The following MIR2052HG variants were observed in gnomAD, a reference collection of about 807,000 sequenced individuals.
MIR2052HG encodes MIR2052 host gene.
chr8:74,723,851 C>T (rs570093877), intron 4 of MIR2052HG, among the ~76,000 whole-genome samples: 1 of 152,218 alleles, frequency 6.6e-6, no homozygotes, highest in East Asian at 1.9e-4. Context: ...GGAAGACTAT[C>T]GTCTTGAATT....
chr8:74,631,228 C>G (rs1422617062), intron 2 of MIR2052HG, among the ~76,000 whole-genome samples: 1 of 152,142 alleles, frequency 6.6e-6, no homozygotes, highest in African/African-American at 2.4e-5. Flanking sequence ...CCTGTGACAG[C>G]CAGACTCCTC....
intron 2 of MIR2052HG, among the ~76,000 whole-genome samples, chr8:74,698,301 C>T (rs575531086): frequency 3.3e-5 from 5 of 152,228 alleles, no homozygotes; most frequent in African/African-American, 1.2e-4. Flanking sequence ...ATTGGCTAGC[C>T]GCATGTAGGA....
Position 74,661,853 on chromosome 8 carries a change from C to G in MIR2052HG, n.217-40526C>G, listed in dbSNP as rs536731093. ...AAAGCATCCCTATGTTGTATGGGAACTACTATCATTCAAAAAGAGATACAA... is the reference window on the plus strand; with the variant it reads ...AAAGCATCCCTATGTTGTATGGGAAGTACTATCATTCAAAAAGAGATACAA... On this transcript the variant is annotated intron_variant and non_coding_transcript_variant, in intron 2 of 6. Coordinates refer to ENST00000523442, the Ensembl canonical transcript of MIR2052HG. Among the ~76,000 whole-genome samples the G allele has an allele frequency of 1.1e-4, 17 of 152,256 alleles. No individual in the cohort carries two copies. The South Asian group carries it at 2.9e-3, about 26-fold the overall frequency.
chr8:74,624,537 A>G (rs1425773), intron 2 of MIR2052HG, among the ~76,000 whole-genome samples: 67,705 of 152,038 alleles, frequency 0.45, 16,305 homozygotes, highest in Middle Eastern at 0.63. Flanking sequence ...ATTCCCAACT[A>G]TCTCCTACCT....
Position 74,743,839 on chromosome 8 carries a change from T to G in MIR2052HG, n.372-8602T>G, listed in dbSNP as rs115111672. The stretch of plus-strand genomic sequence containing the variant: ...GACCATTTTGGACTCCAACAGGATT[T>G]TATAAACCAAGGTGATCATGAGCCC... On this transcript the variant is annotated intron_variant and non_coding_transcript_variant, in intron 4 of 6. Transcript: ENST00000523442. 3.1e-3 allele frequency among the ~76,000 whole-genome samples: 471 copies of G among 152,214 alleles called. 3 individuals carry two copies. The highest frequency in any genetic ancestry group is 0.011 in the African/African-American group (440 of 41,542).
At chr8:74,669,073 A>G (rs1283122978) in intron 2 of MIR2052HG, among the ~76,000 whole-genome samples, 1 of 152,162 alleles carries the variant, frequency 6.6e-6, no homozygotes, top group Non-Finnish European at 1.5e-5. Context: ...CTTGAACTTG[A>G]GTTTCAAAAT....
chr8:74,721,904 GGGCATTGGACA>G lies in MIR2052HG; in HGVS notation n.371+18228_371+18238del, dbSNP rs1435264965. Among the ~76,000 whole-genome samples, 6 of 152,152 alleles carry G rather than the reference GGGCATTGGACA, an allele frequency of 3.9e-5. No homozygotes were observed. In the South Asian group the frequency reaches 1.0e-3, roughly 26 times the overall value. On this transcript the variant is annotated intron_variant and non_coding_transcript_variant, in intron 4 of 6. Transcript: ENST00000523442. Reference sequence around the variant, plus strand: ...GATGGTTATGCAGTGATAAAAACCAGGGCATTGGACAGGCATAGTGGCTCATGCCTCAAATC... The same window carrying G: ...GATGGTTATGCAGTGATAAAAACCAGGGCATAGTGGCTCATGCCTCAAATC...
chr8:74,708,746 T>C (rs1586920002), intron 4 of MIR2052HG, among the ~76,000 whole-genome samples: 2 of 151,712 alleles, frequency 1.3e-5, no homozygotes, highest in South Asian at 4.1e-4. Flanking sequence ...TAAAATAAAA[T>C]TTTAAAATTA....
At chr8:74,663,368 C>A (rs1276474212) in intron 2 of MIR2052HG, among the ~76,000 whole-genome samples, 1 of 152,108 alleles carries the variant, frequency 6.6e-6, no homozygotes, top group Non-Finnish European at 1.5e-5. Context: ...TTTAAGAACA[C>A]CGTGTTTTGA....
chr8:74,700,723 C>T (rs1809349384), intron 2 of MIR2052HG, among the ~76,000 whole-genome samples: 1 of 152,018 alleles, frequency 6.6e-6, no homozygotes, highest in South Asian at 2.1e-4. Context: ...ATTTTTTGTG[C>T]AATCCTTGAT....
intron 2 of MIR2052HG, among the ~76,000 whole-genome samples, chr8:74,618,057 C>A (rs1018058132): frequency 6.6e-6 from 1 of 152,180 alleles, no homozygotes; most frequent in Admixed American, 6.5e-5. Flanking sequence ...GGGGAAGTGC[C>A]GTACTATTCA....
chr8:74,603,387 C>G, intron 1 of MIR2052HG: 2 of 1,610,826 alleles, frequency 1.2e-6, no homozygotes, highest in Non-Finnish European at 1.7e-6. Flanking sequence ...TGGTAACCTG[C>G]CTATCAGTAG....
At chr8:74,635,538 C>A (rs1159974013) in intron 2 of MIR2052HG, among the ~76,000 whole-genome samples, 2 of 152,150 alleles carry the variant, frequency 1.3e-5, no homozygotes, top group African/African-American at 4.8e-5. Flanking sequence ...ACAATTTGTT[C>A]CACTTGGCTA....
chr8:74,708,994 A>G (rs1240353712), intron 4 of MIR2052HG, among the ~76,000 whole-genome samples: 3 of 152,136 alleles, frequency 2.0e-5, no homozygotes, highest in African/African-American at 7.2e-5. Flanking sequence ...GTATAATGAT[A>G]GAATGGACCT....
rs182536513 is a variant in MIR2052HG at position 74,749,230 on chromosome 8, T to C, written n.372-3211T>C. Reference sequence around the variant, plus strand: ...CATCCTATCAGCAAACATATCTTTCTAATTATAAAAAATCCCAAATGACAA... The same window carrying C: ...CATCCTATCAGCAAACATATCTTTCCAATTATAAAAAATCCCAAATGACAA... On this transcript the variant is annotated intron_variant and non_coding_transcript_variant, in intron 4 of 6. Coordinates refer to ENST00000523442, the Ensembl canonical transcript of MIR2052HG. Among the ~76,000 whole-genome samples, 4 of 152,304 alleles carry C rather than the reference T, an allele frequency of 2.6e-5. No homozygotes were observed. In the East Asian group the frequency reaches 7.7e-4, roughly 29 times the overall value.
At chr8:74,649,922 T>TTTTA (rs1388419609) in intron 2 of MIR2052HG, among the ~76,000 whole-genome samples, 1 of 152,140 alleles carries the variant, frequency 6.6e-6, no homozygotes, top group Non-Finnish European at 1.5e-5. Context: ...TTATGCTTGC[T>TTTTA]TTTATTATTC....
At chr8:74,648,606 C>T (rs892116251) in intron 2 of MIR2052HG, among the ~76,000 whole-genome samples, 1 of 152,100 alleles carries the variant, frequency 6.6e-6, no homozygotes, top group Non-Finnish European at 1.5e-5. Context: ...TGTGATGACA[C>T]CCCCGGAGGC....
chr8:74,652,873 G>T (rs1808767704), intron 2 of MIR2052HG, among the ~76,000 whole-genome samples: 1 of 152,186 alleles, frequency 6.6e-6, no homozygotes, highest in Non-Finnish European at 1.5e-5. Flanking sequence ...GTAGCTGACT[G>T]CAGCAGAACT....
chr8:74,636,764 C>T (rs2128734878), intron 2 of MIR2052HG, among the ~76,000 whole-genome samples: 1 of 152,198 alleles, frequency 6.6e-6, no homozygotes, highest in East Asian at 1.9e-4. Context: ...CATGCCCTTT[C>T]CATCCATCAA....
Sources: gnomAD v4.1 joint callset for allele counts (sites outside exome capture counted in the v4.1 genomes callset) on GRCh38, gnomAD v4.1.1 for gene constraint, MANE v1.5 for transcripts, NCBI Gene and HGNC (gene_info 2026-07-23, HGNC 2026-07-21) for gene names.